Variants in IL17B observed in about 807,000 individuals in gnomAD.
The protein encoded by IL17B is interleukin-17B.
A neutral mutation model predicts 14.7 loss-of-function variants in IL17B; 14 were observed. That is an observed-to-expected ratio of 0.95 (90% CI 0.63 to 1.49). The LOEUF (loss-of-function observed/expected upper bound fraction) is 1.49, where lower values mean the gene tolerates loss of function less well. IL17B is among the 40% of genes most tolerant of loss of function. The pLI is 0.00. For missense variants in IL17B, 233 were observed against 252.8 expected, an observed-to-expected ratio of 0.92 and a Z score of 0.53; for synonymous variants, 105 against 94.8, an observed-to-expected ratio of 1.11 and a Z score of -0.62.
upstream of IL17B, among the ~76,000 whole-genome samples, chr5:149,380,990 G>A (rs1012373860): frequency 1.3e-5 from 2 of 152,226 alleles, no homozygotes; most frequent in Admixed American, 1.3e-4. Flanking sequence ...CCCACCGCAG[G>A]CTGTCCCAGC....
intron 1 of IL17B, among the ~76,000 whole-genome samples, chr5:149,400,701 A>G (rs1176341765): frequency 1.3e-5 from 2 of 152,256 alleles, no homozygotes; most frequent in Non-Finnish European, 1.5e-5. Flanking sequence ...TTACATGATT[A>G]TAAAGGCCAG....
intron 1 of IL17B, among the ~76,000 whole-genome samples, chr5:149,393,838 A>C (rs1759039889): frequency 6.6e-6 from 1 of 152,230 alleles, no homozygotes; most frequent in African/African-American, 2.4e-5. Flanking sequence ...TTTTGAAGCC[A>C]CTAAGAGTTG....
chr5:149,376,957 C>A lies in IL17B; in HGVS notation c.90G>T (p.Lys30Asn), dbSNP rs140393797. ...GQPRSPKSKRKGQGRPGPLAP... is the reference protein window; with the variant it reads ...GQPRSPKSKRNGQGRPGPLAP... ...CCAGGGGCCCAGGCCGCCCTTGCCC[C>A]TTCCTCTTGCTTTTGGGGCTCCTGG... The change falls in exon 2 of 3, where the codon AAG becomes AAT. Residue 30 changes from lysine (K) to asparagine (N), a missense_variant. By Grantham distance (94) the Lys-to-Asn change is moderately conservative (BLOSUM62 0). Transcript: ENST00000261796. The A allele has an allele frequency of 5.6e-6, 9 of 1,605,696 alleles. No homozygotes were observed. The African/African-American group carries it at 1.2e-4, about 22-fold the overall frequency.
In IL17B at chr5:149,375,857, T is replaced by TAAC. The variant is rs1758515704; in HGVS notation, c.311+876_311+878dup. 2.0e-5 allele frequency among the ~76,000 whole-genome samples: 3 copies of TAAC among 152,208 alleles called. 1 individual carries two copies. The South Asian group carries it at 6.2e-4, about 32-fold the overall frequency. Reference sequence around the variant, plus strand: ...CCATGCCACTGTACTCCAGCCTGGGTAACAGAGTGAGACCCTGTCTCAAAC... The same window carrying TAAC: ...CCATGCCACTGTACTCCAGCCTGGGTAACAACAGAGTGAGACCCTGTCTCAAAC... On this transcript the variant is annotated intron_variant, in intron 2 of 2. Coordinates refer to ENST00000261796, the MANE Select transcript of IL17B (RefSeq NM_014443.3).
At position 149,374,483 on chromosome 5, in the gene IL17B, C is replaced by T. The variant is rs1758466321; in HGVS notation, c.429G>A (p.Val143=). The part of the protein sequence containing the change: ...QEDRSMVSVP[V]FSQVPVRRRL... ...GGCGGCGCACAGGAACCTGGCTGAA[C>T]ACCGGCACGCTCACCATGCTGCGGT... The change falls in exon 3 of 3, where the codon GTG becomes GTA. Residue 143 remains valine, a synonymous_variant. Coordinates refer to ENST00000261796, the MANE Select transcript of IL17B (RefSeq NM_014443.3). This position sits in a 1 kb window ranked among gnomAD's most constrained non-coding sequence, Gnocchi z 5.0. 1.2e-6 allele frequency: 2 copies of T among 1,612,900 alleles called. No homozygotes were observed. The highest frequency in any genetic ancestry group is 1.7e-6 in the Non-Finnish European group (2 of 1,179,920).
intron 1 of IL17B, among the ~76,000 whole-genome samples, chr5:149,400,937 T>C (rs777077459): frequency 1.4e-4 from 22 of 152,160 alleles, no homozygotes; most frequent in Non-Finnish European, 2.8e-4. Flanking sequence ...AGTCAGGCTC[T>C]CGATGGACTA....
At chr5:149,382,518 A>G (rs756473300), upstream of IL17B, among the ~76,000 whole-genome samples, 3 of 152,262 alleles carry the variant, frequency 2.0e-5, no homozygotes, top group Non-Finnish European at 4.4e-5. Flanking sequence ...AAATCCTCCA[A>G]ATAACACTGG....
chr5:149,391,395 C>G (rs1411611790), intron 1 of IL17B, among the ~76,000 whole-genome samples: 1 of 152,206 alleles, frequency 6.6e-6, no homozygotes, highest in Non-Finnish European at 1.5e-5. Context: ...ACGGGGGTGT[C>G]ACCAAGTGAC....
Position 149,390,955 on chromosome 5 carries a change from T to C in IL17B, n.95+13153A>G, listed in dbSNP as rs572592309. On this transcript the variant is annotated intron_variant and non_coding_transcript_variant, in intron 1 of 2. Coordinates refer to the IL17B transcript ENST00000505432. ...CCCCTGGACCAGGATTTTGGTTTTT[T>C]GTGGGGAGTTTTTCCTTTGTGTTTT... is the stretch of plus-strand genomic sequence containing the variant. Among the ~76,000 whole-genome samples the C allele has an allele frequency of 1.5e-4, 23 of 152,186 alleles. No homozygotes were observed. In the South Asian group the frequency reaches 4.6e-3, roughly 30 times the overall value.
chr5:149,398,427 C>G (rs536357708), intron 1 of IL17B, among the ~76,000 whole-genome samples: 1 of 152,292 alleles, frequency 6.6e-6, no homozygotes, highest in South Asian at 2.1e-4. Context: ...TGGTGCTGAG[C>G]ACAGCATTTT....
At chr5:149,401,699 G>A (rs575927765) in intron 1 of IL17B, among the ~76,000 whole-genome samples, 1 of 152,310 alleles carries the variant, frequency 6.6e-6, no homozygotes, top group African/African-American at 2.4e-5. Context: ...AAGTTACAGT[G>A]AGCCAAGATT....
At chr5:149,384,811 TGATCTCTCTATCA>T (rs1758787352) in intron 1 of IL17B, among the ~76,000 whole-genome samples, 1 of 151,798 alleles carries the variant, frequency 6.6e-6, no homozygotes, top group Non-Finnish European at 1.5e-5. Context: ...TGGAAAAGAG[TGATCTCTCTATCA>T]GCAGAGAGCA....
At chr5:149,389,763 A>G (rs1389840218) in intron 1 of IL17B, among the ~76,000 whole-genome samples, 4 of 152,248 alleles carry the variant, frequency 2.6e-5, no homozygotes, top group Admixed American at 6.5e-5. Context: ...CCTCTGGATC[A>G]TGGGACATGA....
At chr5:149,397,512 TTCA>T (rs1759115304) in intron 1 of IL17B, among the ~76,000 whole-genome samples, 1 of 152,188 alleles carries the variant, frequency 6.6e-6, no homozygotes, top group South Asian at 2.1e-4. Flanking sequence ...CCTTATACAC[TTCA>T]CTATCATGGC....
chr5:149,392,739 A>C (rs1758995482), intron 1 of IL17B, among the ~76,000 whole-genome samples: 3 of 152,232 alleles, frequency 2.0e-5, no homozygotes, highest in Admixed American at 2.0e-4. Flanking sequence ...ACTATTTTTA[A>C]ATGAAAACAT....
intron 1 of IL17B, among the ~76,000 whole-genome samples, chr5:149,400,205 C>T (rs752392796): frequency 1.3e-5 from 2 of 152,040 alleles, no homozygotes; most frequent in Non-Finnish European, 2.9e-5. Flanking sequence ...TCCAATATGA[C>T]TTATAAAAAG....
Position 149,376,982 on chromosome 5 carries a change from G to C in IL17B, c.65C>G (p.Pro22Arg). Residue 22 changes from proline to arginine, a missense_variant, in exon 2 of 3, where the codon CCC becomes CGC. Physicochemically the swap from Pro to Arg is moderately radical, Grantham distance 103 (BLOSUM62 -2). Transcript: ENST00000261796. The part of the protein sequence containing the change: ...TISIFLGLGQ[P>R]RSPKSKRKGQ... ...CTTCCTCTTGCTTTTGGGGCTCCTGGGCTGGCCCAGCCCCAGGAAGATGGA... is the reference window on the plus strand; with the variant it reads ...CTTCCTCTTGCTTTTGGGGCTCCTGCGCTGGCCCAGCCCCAGGAAGATGGA... 1 of 1,594,948 alleles carries C rather than the reference G, an allele frequency of 6.3e-7. No individual in the cohort carries two copies. Among genetic ancestry groups the C allele is most frequent in the South Asian group, 1.1e-5 (1 of 88,162 alleles).
intron 2 of IL17B, among the ~76,000 whole-genome samples, chr5:149,375,470 C>T (rs1429778218): frequency 6.6e-6 from 1 of 152,130 alleles, no homozygotes; most frequent in Non-Finnish European, 1.5e-5. Context: ...TTATCAGATC[C>T]CTGAGTGATT....
At chr5:149,380,154 C>G (rs945472610), upstream of IL17B, among the ~76,000 whole-genome samples, 1 of 152,090 alleles carries the variant, frequency 6.6e-6, no homozygotes, top group African/African-American at 2.4e-5. Context: ...TGGGTGTATC[C>G]AGAAGTAGAC....
Sources: allele counts gnomAD v4.1 joint callset (sites outside exome capture counted in the v4.1 genomes callset), GRCh38; gene constraint gnomAD v4.1.1; non-coding constraint Gnocchi (gnomAD v3.1); transcripts MANE v1.5; gene names NCBI Gene and HGNC (gene_info 2026-07-23, HGNC 2026-07-21).